N4BP1: variants seen among roughly 807,000 people sequenced by gnomAD.
The protein encoded by N4BP1 is NEDD4 binding protein 1, also known as NEDD4-binding protein 1.
N4BP1 carries 21 observed loss-of-function variants against 70.9 expected under a neutral mutation model. The observed-to-expected ratio is 0.30, with a 90% CI of 0.21 to 0.43. The LOEUF is 0.43. Among genes scored for constraint, N4BP1 ranks in the 20% least tolerant of loss-of-function variants. N4BP1 has a pLI of 1.00. For synonymous variants in N4BP1, 387 were observed against 394.6 expected (o/e 0.98, Z 0.23); for missense variants, 936 against 1,069.4 (o/e 0.88, Z 1.74).
chr16:48,608,519 G>A (rs1234690393), intron 1 of N4BP1, among the ~76,000 whole-genome samples: 3 of 152,146 alleles, frequency 2.0e-5, no homozygotes, highest in East Asian at 1.9e-4. Context: ...TCATATGAGA[G>A]GCAAGTATCA....
intron 4 of N4BP1, among the ~76,000 whole-genome samples, chr16:48,551,033 G>C (rs1019313269): frequency 2.0e-5 from 3 of 152,132 alleles, no homozygotes; most frequent in Non-Finnish European, 1.5e-5. Context: ...TACAATAACA[G>C]GCTAAGTCAC....
intron 1 of N4BP1, among the ~76,000 whole-genome samples, chr16:48,599,086 G>GA (rs1964460898): frequency 6.6e-6 from 1 of 152,144 alleles, no homozygotes; most frequent in African/African-American, 2.4e-5. Context: ...GGAAAGTAAG[G>GA]TTGATGGAAT....
At chr16:48,558,715 CGTA>C (rs555814911) in intron 2 of N4BP1, among the ~76,000 whole-genome samples, 69 of 152,286 alleles carry the variant, frequency 4.5e-4, no homozygotes, top group African/African-American at 1.6e-3. Context: ...CTCAAGAAAT[CGTA>C]ACAATGAAGA....
intron 1 of N4BP1, among the ~76,000 whole-genome samples, chr16:48,608,828 C>T (rs535924641): frequency 1.9e-4 from 28 of 151,068 alleles, no homozygotes; most frequent in Middle Eastern, 3.5e-3. Context: ...AAGGGCTGCA[C>T]ATTCCTTCTG....
chr16:48,588,567 T>C (rs559725639), intron 1 of N4BP1, among the ~76,000 whole-genome samples: 1 of 152,194 alleles, frequency 6.6e-6, no homozygotes, highest in Non-Finnish European at 1.5e-5. Context: ...TGTGTTGGGA[T>C]TGCAGGTGTG....
At chr16:48,573,059 G>C (rs527857220) in intron 1 of N4BP1, among the ~76,000 whole-genome samples, 5 of 150,182 alleles carry the variant, frequency 3.3e-5, no homozygotes, top group African/African-American at 1.2e-4. Flanking sequence ...GCAGTGACCC[G>C]AGATGTGCCA....
chr16:48,601,170 G>GT (rs1276032804), intron 1 of N4BP1, among the ~76,000 whole-genome samples: 1 of 152,224 alleles, frequency 6.6e-6, no homozygotes, highest in African/African-American at 2.4e-5. Context: ...ATGCTGGACT[G>GT]TTTTGACCTG....
chr16:48,561,022 C>G lies in N4BP1; in HGVS notation c.1621G>C (p.Ala541Pro), dbSNP rs868677269. 1.9e-6 allele frequency: 3 copies of G among 1,613,980 alleles called. No individual in the cohort carries two copies. In the South Asian group the frequency reaches 3.3e-5, roughly 18 times the overall value. ...CAACATCCTAAACGTTTTTCACAGG[C>G]AGATTTCATATTATTTGGAAGCAAG... Reference protein sequence around the residue: ...EPLLPNNMKSACEKRLGCCSS... With the variant: ...EPLLPNNMKSPCEKRLGCCSS... Residue 541 changes from alanine to proline, a missense_variant, in exon 2 of 7, where the codon GCC becomes CCC. By Grantham distance (27) the Ala-to-Pro change is conservative (BLOSUM62 -1). Transcript: ENST00000262384.
chr16:48,565,908 T>C (rs1026605641), intron 1 of N4BP1, among the ~76,000 whole-genome samples: 1 of 152,218 alleles, frequency 6.6e-6, no homozygotes, highest in Non-Finnish European at 1.5e-5. Flanking sequence ...ATCAAATTTA[T>C]GTATGTAGAG....
intron 3 of N4BP1, among the ~76,000 whole-genome samples, chr16:48,552,701 A>G (rs1372316503): frequency 9.6e-6 from 1 of 104,048 alleles, no homozygotes; most frequent in African/African-American, 5.1e-5. Flanking sequence ...CCGTCTCAGA[A>G]AAAAAAAAAA....
At position 48,553,583 on chromosome 16, in the gene N4BP1, A is replaced by G; in HGVS notation, c.1976T>C (p.Val659Ala). ...FWKLGNRNIT[V>A]FVPQWRTRRD... ...CCTTGTTCTCCACTGAGGGACAAATACAGTGATGTTTCTGTTGCCAAGCTT... is the reference window on the plus strand; with the variant it reads ...CCTTGTTCTCCACTGAGGGACAAATGCAGTGATGTTTCTGTTGCCAAGCTT... Residue 659 changes from valine to alanine, a missense_variant, in exon 3 of 7, where the codon GTA (valine) becomes GCA (alanine). Val to Ala is a moderately conservative substitution (Grantham distance 64). Coordinates refer to ENST00000262384, the MANE Select transcript of N4BP1 (RefSeq NM_153029.4). 3.7e-6 allele frequency: 6 copies of G among 1,608,504 alleles called. No individual in the cohort carries two copies. Among genetic ancestry groups the G allele is most frequent in the Non-Finnish European group, 5.1e-6 (6 of 1,177,820 alleles).
intron 1 of N4BP1, among the ~76,000 whole-genome samples, chr16:48,581,626 A>C (rs996030779): frequency 2.0e-5 from 3 of 152,242 alleles, no homozygotes; most frequent in African/African-American, 7.2e-5. Context: ...AATTTAACCA[A>C]GGAGTTCAAA....
Position 48,550,894 on chromosome 16 carries a change from C to T in N4BP1, c.2117+492G>A, listed in dbSNP as rs537528420. On this transcript the variant is annotated intron_variant, in intron 4 of 6. Transcript: ENST00000262384. ...GATTGCGCCACTGCACTCCAGTCTG[C>T]GTTGACAGAGTAAGACTCCATCTCA... Among the ~76,000 whole-genome samples the T allele has an allele frequency of 3.3e-5, 5 of 150,720 alleles. No individual in the cohort carries two copies. The East Asian group carries it at 5.8e-4, about 18-fold the overall frequency.
chr16:48,588,794 T>C lies in N4BP1; in HGVS notation c.198+20981A>G, dbSNP rs546622542. On this transcript the variant is annotated intron_variant, in intron 1 of 6. Transcript: ENST00000262384. ...CAGCCACATGGGGTAGTGGCTACCATACTGGTTTGTGCAAATCCAGCCCTT... is the reference window on the plus strand; with the variant it reads ...CAGCCACATGGGGTAGTGGCTACCACACTGGTTTGTGCAAATCCAGCCCTT... Among the ~76,000 whole-genome samples, 8 of 152,298 alleles carry C rather than the reference T, an allele frequency of 5.3e-5. No individual in the cohort carries two copies. The East Asian group carries it at 1.4e-3, about 26-fold the overall frequency.
chr16:48,595,005 C>G (rs1172284739), intron 1 of N4BP1, among the ~76,000 whole-genome samples: 2 of 152,062 alleles, frequency 1.3e-5, no homozygotes, highest in Non-Finnish European at 2.9e-5. Context: ...TCTAATAACA[C>G]TGGAGATTGT....
Position 48,560,985 on chromosome 16 carries a change from TGAG to T in N4BP1, c.1655_1657del (p.Pro552del), listed in dbSNP as rs772128301. On this transcript the variant is annotated inframe_deletion, in exon 2 of 7. Transcript: ENST00000262384. ...AAGGGTTGAGCAATTTGGCTTAGAA[TGAG>T]GAGAACTACAACATCCTAAACGTTT... is the stretch of plus-strand genomic sequence containing the variant. The T allele has an allele frequency of 1.7e-5, 27 of 1,613,882 alleles. No homozygotes were observed. The East Asian group carries it at 2.4e-4, about 15-fold the overall frequency.
intron 2 of N4BP1, among the ~76,000 whole-genome samples, chr16:48,557,351 C>G (rs1322392807): frequency 1.3e-5 from 2 of 152,132 alleles, no homozygotes; most frequent in Non-Finnish European, 2.9e-5. Context: ...TTAACTTCTG[C>G]TGGAGGAGAG....
intron 2 of N4BP1, among the ~76,000 whole-genome samples, chr16:48,555,930 T>C (rs1411571168): frequency 6.6e-6 from 1 of 152,220 alleles, no homozygotes; most frequent in African/African-American, 2.4e-5. Flanking sequence ...TGCTACCTAC[T>C]CTCCCTCTTT....
chr16:48,574,874 C>G (rs747023638), intron 1 of N4BP1, among the ~76,000 whole-genome samples: 2 of 152,166 alleles, frequency 1.3e-5, no homozygotes, highest in African/African-American at 2.4e-5. Flanking sequence ...CAGAGGAGAG[C>G]TCCTGGGTCT....
Sources: gnomAD v4.1 joint callset for allele counts (sites outside exome capture counted in the v4.1 genomes callset) on GRCh38, gnomAD v4.1.1 for gene constraint, MANE v1.5 for transcripts, NCBI Gene and HGNC (gene_info 2026-07-23, HGNC 2026-07-21) for gene names.